Variants in L3MBTL4 observed in about 807,000 individuals in gnomAD.
L3MBTL4 encodes lethal(3)malignant brain tumor-like protein 4.
In L3MBTL4, 70 loss-of-function variants were observed where a neutral mutation model predicts 84.5. The ratio of observed to expected loss-of-function variants is 0.83; its 90% CI spans 0.68 to 1.01. The LOEUF (loss-of-function observed/expected upper bound fraction) is 1.01. Among genes scored for constraint, L3MBTL4 ranks in the 50% least tolerant of loss-of-function variants. The probability of loss-of-function intolerance (pLI) is 0.00; values close to 1 mark genes in which losing one functional copy is unlikely to be tolerated. For missense variants in L3MBTL4, 715 were observed against 754.8 expected, an observed-to-expected ratio of 0.95 and a Z score of 0.62; for synonymous variants, 274 against 259.8, an observed-to-expected ratio of 1.05 and a Z score of -0.52.
intron 1 of L3MBTL4, among the ~76,000 whole-genome samples, chr18:6,392,051 C>A (rs2055077287): frequency 6.6e-6 from 1 of 152,076 alleles, no homozygotes; most frequent in Non-Finnish European, 1.5e-5. Context: ...CAAAACAACC[C>A]TAAGCATAAA....
intron 11 of L3MBTL4, among the ~76,000 whole-genome samples, chr18:6,214,235 C>A (rs1599176861): frequency 6.6e-6 from 1 of 152,094 alleles, no homozygotes; most frequent in Non-Finnish European, 1.5e-5. Context: ...GTAATCCCAG[C>A]ACTTTGGGAG....
intron 13 of L3MBTL4, among the ~76,000 whole-genome samples, chr18:6,165,814 A>T (rs2043620429): frequency 6.6e-6 from 1 of 152,226 alleles, no homozygotes; most frequent in South Asian, 2.1e-4. Flanking sequence ...TGACAGGATC[A>T]AATTCACATA....
At chr18:6,407,119 C>T (rs748576881) in intron 1 of L3MBTL4, among the ~76,000 whole-genome samples, 5 of 152,276 alleles carry the variant, frequency 3.3e-5, no homozygotes, top group South Asian at 2.1e-4. Flanking sequence ...TCTGAAAAGA[C>T]GGACAATTAT....
At chr18:6,355,427 ATTT>A (rs966596592) in intron 1 of L3MBTL4, among the ~76,000 whole-genome samples, 1 of 148,696 alleles carries the variant, frequency 6.7e-6, no homozygotes, top group Non-Finnish European at 1.5e-5. Flanking sequence ...ATATTTGTTG[ATTT>A]TTTTTTTTCT....
chr18:6,141,112 G>T (rs1237124563), intron 13 of L3MBTL4, among the ~76,000 whole-genome samples: 1 of 150,620 alleles, frequency 6.6e-6, no homozygotes, highest in Non-Finnish European at 1.5e-5. Flanking sequence ...TGCGGAATAA[G>T]TATTTACTGA....
intron 16 of L3MBTL4, among the ~76,000 whole-genome samples, chr18:6,001,217 T>C (rs747280971): frequency 2.6e-5 from 4 of 152,226 alleles, no homozygotes; most frequent in South Asian, 4.1e-4. Context: ...GCAATCCCCA[T>C]TGCCTAAAGT....
At chr18:6,122,805 C>T (rs1395410555) in intron 14 of L3MBTL4, among the ~76,000 whole-genome samples, 1 of 152,126 alleles carries the variant, frequency 6.6e-6, no homozygotes, top group East Asian at 1.9e-4. Flanking sequence ...TTTAAGAAAA[C>T]AGAATCTCCA....
At chr18:6,085,791 A>C (rs2058239139) in intron 15 of L3MBTL4, among the ~76,000 whole-genome samples, 1 of 152,208 alleles carries the variant, frequency 6.6e-6, no homozygotes, top group Non-Finnish European at 1.5e-5. Flanking sequence ...ACAACATGAA[A>C]ATGGACTAAT....
intron 4 of L3MBTL4, among the ~76,000 whole-genome samples, chr18:6,295,346 C>CTCTCTCTCTCTCTATA (rs1261475809): frequency 7.4e-5 from 6 of 81,388 alleles, no homozygotes; most frequent in African/African-American, 3.3e-4. Context: ...CTCTCTCTCT[C>CTCTCTCTCTCTCTATA]TATATATATA....
chr18:6,213,061 GA>G, intron 12 of L3MBTL4, 87 bp downstream of exon 12: 1 of 699,146 alleles, frequency 1.4e-6, no homozygotes, highest in Non-Finnish European at 2.3e-6. Flanking sequence ...TAAAAAACGA[GA>G]AAGGTTCAGA....
intron 16 of L3MBTL4, among the ~76,000 whole-genome samples, chr18:6,056,885 G>A (rs1321785529): frequency 6.6e-6 from 1 of 152,016 alleles, no homozygotes. Context: ...ATCTTTCAGA[G>A]GAAAAATGGG....
intron 14 of L3MBTL4, among the ~76,000 whole-genome samples, chr18:6,125,619 G>C (rs927547934): frequency 2.6e-5 from 4 of 152,078 alleles, no homozygotes; most frequent in African/African-American, 9.7e-5. Context: ...TTGTAGAGAT[G>C]AGGTCTTACT....
intron 4 of L3MBTL4, among the ~76,000 whole-genome samples, chr18:6,277,135 T>G (rs2049115889): frequency 9.9e-6 from 1 of 101,226 alleles, no homozygotes; most frequent in Non-Finnish European, 1.8e-5. Context: ...TGGGGACTGT[T>G]GTGGGGTGGG....
At chr18:6,213,742 T>C (rs2046211998) in intron 11 of L3MBTL4, among the ~76,000 whole-genome samples, 1 of 152,216 alleles carries the variant, frequency 6.6e-6, no homozygotes, top group African/African-American at 2.4e-5. Flanking sequence ...CATAGGACTG[T>C]ATGCATATTA....
At chr18:6,370,404 C>G (rs1373097299) in intron 1 of L3MBTL4, among the ~76,000 whole-genome samples, 3 of 152,214 alleles carry the variant, frequency 2.0e-5, no homozygotes, top group African/African-American at 7.2e-5. Flanking sequence ...GCAATGAAGT[C>G]AGCTTTTGTT....
chr18:5,960,902 G>C (rs1567916760), intron 17 of L3MBTL4: 1 of 152,168 alleles, frequency 6.6e-6, no homozygotes, highest in Non-Finnish European at 1.5e-5. Flanking sequence ...GCCACTGAGT[G>C]TTCCTAATAG....
chr18:6,328,443 A>C (rs560200277), intron 1 of L3MBTL4, among the ~76,000 whole-genome samples: 5 of 152,292 alleles, frequency 3.3e-5, no homozygotes, highest in African/African-American at 9.6e-5. Context: ...GCCTTGCCAA[A>C]ATTGAATGTT....
At chr18:6,373,411 C>G (rs1599820599) in intron 1 of L3MBTL4, among the ~76,000 whole-genome samples, 1 of 152,126 alleles carries the variant, frequency 6.6e-6, no homozygotes, top group South Asian at 2.1e-4. Flanking sequence ...AAACGCAGAC[C>G]AACACTCCAC....
chr18:6,182,404 T>G (rs2044515842), intron 12 of L3MBTL4, among the ~76,000 whole-genome samples: 1 of 152,230 alleles, frequency 6.6e-6, no homozygotes, highest in Non-Finnish European at 1.5e-5. Context: ...AATGGGGTTG[T>G]TTGATTGTTT....
Sources: gnomAD v4.1 joint callset for allele counts (sites outside exome capture counted in the v4.1 genomes callset) on GRCh38, gnomAD v4.1.1 for gene constraint, MANE v1.5 for transcripts, NCBI Gene and HGNC (gene_info 2026-07-23, HGNC 2026-07-21) for gene names.